SOBP: variants seen among roughly 807,000 people sequenced by gnomAD.
The protein encoded by SOBP is sine oculis-binding protein homolog.
A neutral mutation model predicts 53.6 loss-of-function variants in SOBP; 4 were observed. The ratio of observed to expected loss-of-function variants is 0.07; its 90% CI spans 0.04 to 0.17. The LOEUF is 0.17. SOBP is among the 10% of genes least tolerant of loss of function. SOBP has a pLI of 1.00. For missense variants in SOBP, 1,088 were observed against 1,204.7 expected (o/e 0.90, Z 1.43); for synonymous variants, 584 against 522.6 (o/e 1.12, Z -1.60).
At position 107,500,794 on chromosome 6, in the gene SOBP, G is replaced by A. The variant is rs540310153; in HGVS notation, c.97-2863G>A. Among the ~76,000 whole-genome samples, 12 of 152,184 alleles carry A rather than the reference G, an allele frequency of 7.9e-5. No individual in the cohort carries two copies. The East Asian group carries it at 2.3e-3, about 29-fold the overall frequency. On this transcript the variant is annotated intron_variant, in intron 1 of 6. Transcript: ENST00000317357. ...CCCACCTTGGCCTCCCAAAGTGCTG[G>A]GATTACAGGTCTGAGCCACCACACC...
chr6:107,657,459 C>T (rs112430383), intron 6 of SOBP, among the ~76,000 whole-genome samples: 3,030 of 152,300 alleles, frequency 0.02, 51 homozygotes, highest in Non-Finnish European at 0.031. Context: ...GACCCACACA[C>T]GGAGAAAAGC....
chr6:107,532,015 T>C (rs960092613), intron 3 of SOBP, among the ~76,000 whole-genome samples: 2 of 152,098 alleles, frequency 1.3e-5, no homozygotes, highest in African/African-American at 4.8e-5. Context: ...GGAAATGAAA[T>C]GATTGCATGA....
At chr6:107,514,506 T>G (rs1313150965) in intron 3 of SOBP, 1 of 152,202 alleles carries the variant, frequency 6.6e-6, no homozygotes, top group Non-Finnish European at 1.5e-5. Flanking sequence ...CTCTTTACAA[T>G]TAAGGGTTCT....
chr6:107,507,200 C>G (rs1315832216), intron 3 of SOBP, among the ~76,000 whole-genome samples: 1 of 152,196 alleles, frequency 6.6e-6, no homozygotes, highest in Non-Finnish European at 1.5e-5. Context: ...AACACGCTTT[C>G]CTCTAAATCC....
intron 4 of SOBP, among the ~76,000 whole-genome samples, chr6:107,544,634 C>A (rs1278204163): frequency 1.3e-5 from 2 of 152,170 alleles, no homozygotes; most frequent in African/African-American, 4.8e-5. Flanking sequence ...GAAGGAAGAG[C>A]TTATTGGGCT....
intron 4 of SOBP, among the ~76,000 whole-genome samples, chr6:107,566,381 C>T (rs1382590764): frequency 6.6e-6 from 1 of 152,232 alleles, no homozygotes; most frequent in African/African-American, 2.4e-5. Context: ...GCCCATTCCC[C>T]TCTCCCCAAG....
At chr6:107,629,660 A>G (rs1770617978) in intron 5 of SOBP, among the ~76,000 whole-genome samples, 1 of 152,250 alleles carries the variant, frequency 6.6e-6, no homozygotes, top group Admixed American at 6.5e-5. Flanking sequence ...AGCAAGTGAT[A>G]TATGTGCTGA....
At chr6:107,540,390 A>C (rs917103637) in intron 4 of SOBP, among the ~76,000 whole-genome samples, 1 of 152,262 alleles carries the variant, frequency 6.6e-6, no homozygotes, top group Non-Finnish European at 1.5e-5. Flanking sequence ...TTAGAATGGA[A>C]TAAAGAAAAT....
chr6:107,518,748 CTGT>C (rs1255203409), intron 3 of SOBP, among the ~76,000 whole-genome samples: 1 of 85,084 alleles, frequency 1.2e-5, no homozygotes, highest in Non-Finnish European at 2.4e-5. Context: ...TTAGGAAAGG[CTGT>C]TTTTTTTTTT....
In SOBP at chr6:107,634,912, T is replaced by TGCG; in HGVS notation, c.2074_2076dup (p.Gly692dup). On this transcript the variant is annotated inframe_insertion, in exon 6 of 7. Transcript: ENST00000317357. This position sits in a 1 kb window ranked among gnomAD's most constrained non-coding sequence, Gnocchi z 4.5. The stretch of plus-strand genomic sequence containing the variant: ...GCCGAGCGCCGCGGAGCGCAGGACC[T>TGCG]GCGGCGGCTGCAGGGACGGCCACTG... 1 of 1,227,446 alleles carries TGCG rather than the reference T, an allele frequency of 8.1e-7. No homozygotes were observed. Among genetic ancestry groups the TGCG allele is most frequent in the Non-Finnish European group, 1.0e-6 (1 of 976,142 alleles). The allele number at this position is 1,227,446 out of a possible 1,614,324, so 76.0% of individuals were successfully genotyped here.
chr6:107,634,201 C>T lies in SOBP; in HGVS notation c.1357C>T (p.Arg453Trp), dbSNP rs1418741570. Reference protein sequence around the residue: ...NLGPTSSPMHRPMLSPHIHPP... With the variant: ...NLGPTSSPMHWPMLSPHIHPP... Reference sequence around the variant, plus strand: ...GGGCCCCACTTCCAGCCCCATGCACCGGCCCATGCTATCGCCCCACATCCA... The same window carrying T: ...GGGCCCCACTTCCAGCCCCATGCACTGGCCCATGCTATCGCCCCACATCCA... The change falls in exon 6 of 7, where the codon CGG becomes TGG. Residue 453 changes from arginine to tryptophan, a missense_variant. Physicochemically the swap from Arg to Trp is moderately radical, Grantham distance 101. This residue lies in a region of SOBP where 665 missense variants were observed against 629.7 expected (regional missense o/e 1.06). Transcript: ENST00000317357. This position sits in a 1 kb window ranked among gnomAD's most constrained non-coding sequence, Gnocchi z 4.5. The T allele has an allele frequency of 6.2e-7, 1 of 1,603,778 alleles. No individual in the cohort carries two copies.
At chr6:107,522,537 C>CT (rs71551313) in intron 3 of SOBP, among the ~76,000 whole-genome samples, 23,855 of 74,268 alleles carry the variant, frequency 0.32, 4,921 homozygotes, top group East Asian at 0.66. Context: ...AGTATAAAAA[C>CT]TTTTTTTTTT....
At position 107,561,361 on chromosome 6, in the gene SOBP, C is replaced by T. The variant is rs1784766057; in HGVS notation, c.574-25719C>T. On this transcript the variant is annotated intron_variant, in intron 4 of 6. Coordinates refer to ENST00000317357, the MANE Select transcript of SOBP (RefSeq NM_018013.4). ...GACTTAGGAGAGGGGAGTTTTACAG[C>T]CAGATGTGTGGACAATTTCTCCAAC... Among the ~76,000 whole-genome samples, 3 of 152,160 alleles carry T rather than the reference C, an allele frequency of 2.0e-5. No individual in the cohort carries two copies. The South Asian group carries it at 6.2e-4, about 32-fold the overall frequency.
intron 5 of SOBP, among the ~76,000 whole-genome samples, chr6:107,598,011 T>G (rs922655664): frequency 6.6e-6 from 1 of 152,164 alleles, no homozygotes; most frequent in Non-Finnish European, 1.5e-5. Context: ...GTTACCCAGA[T>G]TTTTAAGACA....
chr6:107,504,224 C>T (rs1302066020), intron 2 of SOBP, among the ~76,000 whole-genome samples: 1 of 152,158 alleles, frequency 6.6e-6, no homozygotes, highest in Non-Finnish European at 1.5e-5. Flanking sequence ...AATCCTCCTT[C>T]CTTTTTTTCA....
chr6:107,650,013 A>C (rs1260505096), intron 6 of SOBP, among the ~76,000 whole-genome samples: 2 of 152,244 alleles, frequency 1.3e-5, no homozygotes, highest in African/African-American at 2.4e-5. Context: ...TGTAAAATGA[A>C]GACTTAAAGA....
chr6:107,617,217 C>T (rs1470812277), intron 5 of SOBP, among the ~76,000 whole-genome samples: 1 of 152,080 alleles, frequency 6.6e-6, no homozygotes, highest in Non-Finnish European at 1.5e-5. Context: ...CCAAGGAAAC[C>T]CTCACATACC....
At chr6:107,554,055 G>A (rs977253153) in intron 4 of SOBP, among the ~76,000 whole-genome samples, 2 of 152,218 alleles carry the variant, frequency 1.3e-5, no homozygotes, top group Non-Finnish European at 2.9e-5. Context: ...AGGTGGAGGT[G>A]AGCTGTAAAT....
chr6:107,641,587 C>A (rs1230784719), intron 6 of SOBP, among the ~76,000 whole-genome samples: 2 of 152,084 alleles, frequency 1.3e-5, no homozygotes, highest in Non-Finnish European at 2.9e-5. Flanking sequence ...CCCCAGTATG[C>A]CTCTTTACTT....
Sources: gnomAD v4.1 joint callset for allele counts (sites outside exome capture counted in the v4.1 genomes callset) on GRCh38, gnomAD v4.1.1 for gene constraint, gnomAD v4.1.1 regional missense constraint, Gnocchi (gnomAD v3.1) non-coding constraint, MANE v1.5 for transcripts, NCBI Gene and HGNC (gene_info 2026-07-23, HGNC 2026-07-21) for gene names.